Variants in STIM2 observed in about 807,000 individuals in gnomAD.
STIM2 encodes stromal interaction molecule 2.
Under a neutral mutation model 85.8 loss-of-function variants are expected in STIM2, and 31 were observed. That is an observed-to-expected ratio of 0.36 (90% CI 0.27 to 0.49). The LOEUF is 0.49. Among genes scored for constraint, STIM2 ranks in the 20% least tolerant of loss-of-function variants. The probability of loss-of-function intolerance (pLI) is 0.98; values close to 1 mark genes in which losing one functional copy is unlikely to be tolerated. For missense variants in STIM2, 841 were observed against 927.6 expected (o/e 0.91, Z 1.21); for synonymous variants, 356 against 331.1 (o/e 1.08, Z -0.82).
intron 10 of STIM2, among the ~76,000 whole-genome samples, chr4:27,011,209 G>A (rs941886274): frequency 8.5e-5 from 13 of 152,078 alleles, no homozygotes; most frequent in African/African-American, 2.9e-4. Context: ...ATGGTTGCGT[G>A]TTTAGAAGTG....
chr4:26,900,588 T>C (rs1723882805), intron 1 of STIM2, among the ~76,000 whole-genome samples: 1 of 152,170 alleles, frequency 6.6e-6, no homozygotes, highest in African/African-American at 2.4e-5. Flanking sequence ...AATTTTACTT[T>C]AAAAACTATT....
chr4:26,988,210 T>A (rs1174891204), intron 3 of STIM2, among the ~76,000 whole-genome samples: 1 of 152,212 alleles, frequency 6.6e-6, no homozygotes, highest in Admixed American at 6.5e-5. Flanking sequence ...TAAGAACTCA[T>A]CATCCAGAGG....
At chr4:26,873,400 T>TAA (rs1282772093) in intron 1 of STIM2, among the ~76,000 whole-genome samples, 2 of 140,450 alleles carry the variant, frequency 1.4e-5, no homozygotes, top group African/African-American at 2.6e-5. Flanking sequence ...ACTCCGTCTT[T>TAA]AAAAAAAAAA....
At chr4:26,878,720 G>A (rs1222043705) in intron 1 of STIM2, among the ~76,000 whole-genome samples, 1 of 152,082 alleles carries the variant, frequency 6.6e-6, no homozygotes, top group Non-Finnish European at 1.5e-5. Flanking sequence ...TGAACAAAAG[G>A]GGTTTAACTG....
intron 3 of STIM2, among the ~76,000 whole-genome samples, chr4:26,989,761 A>G (rs1470665949): frequency 6.6e-6 from 1 of 152,228 alleles, no homozygotes; most frequent in African/African-American, 2.4e-5. Flanking sequence ...TGAATTTAGT[A>G]AAGTTACAGG....
At chr4:26,929,579 A>G (rs1725124456) in intron 2 of STIM2, among the ~76,000 whole-genome samples, 1 of 152,088 alleles carries the variant, frequency 6.6e-6, no homozygotes, top group African/African-American at 2.4e-5. Flanking sequence ...TGCTTTTCTA[A>G]AAAAAATTCA....
intron 1 of STIM2, among the ~76,000 whole-genome samples, chr4:26,891,562 C>CAA (rs1209389286): frequency 2.9e-5 from 1 of 34,690 alleles, no homozygotes; most frequent in Non-Finnish European, 5.4e-5. Flanking sequence ...CATACATACA[C>CAA]ACACACACAC....
At chr4:26,861,540 T>A in intron 1 of STIM2, 171 bp downstream of exon 1, 1 of 1,049,510 alleles carries the variant, frequency 9.5e-7, no homozygotes, top group Non-Finnish European at 1.2e-6. Context: ...CGGACGTCTT[T>A]CCTTTTCACC....
rs1722165170 is a variant in STIM2 at position 26,861,184 on chromosome 4, G to A, written c.-35G>A. The A allele has an allele frequency of 1.4e-6, 2 of 1,431,836 alleles. No homozygotes were observed. Among genetic ancestry groups the A allele is most frequent in the African/African-American group, 1.5e-5 (1 of 68,180 alleles). 88.7% of individuals were successfully genotyped at this position (1,431,836 alleles called of 1,614,324 possible). ...CCCGCCTCGACTCCTGGCCCAGCGT[G>A]GGGCTGGCTGCTGCGGCGGCGGCGC... On this transcript the variant is annotated 5_prime_UTR_variant, in exon 1 of 12. It introduces an in-frame stop codon into an upstream open reading frame of the 5' UTR. Coordinates refer to ENST00000467087, the MANE Select transcript of STIM2 (RefSeq NM_020860.4).
At chr4:26,923,610 T>G (rs1301689542) in intron 2 of STIM2, among the ~76,000 whole-genome samples, 1 of 128,296 alleles carries the variant, frequency 7.8e-6, no homozygotes, top group Non-Finnish European at 1.6e-5. Context: ...AGGAAGAAAC[T>G]GCATCAACTA....
chr4:26,876,231 A>G (rs772420301), intron 1 of STIM2, among the ~76,000 whole-genome samples: 2 of 152,210 alleles, frequency 1.3e-5, no homozygotes, highest in Non-Finnish European at 2.9e-5. Flanking sequence ...CTTCAGTAAC[A>G]GGGTATTGGT....
chr4:26,870,411 A>G (rs1722572134), intron 1 of STIM2, among the ~76,000 whole-genome samples: 1 of 152,110 alleles, frequency 6.6e-6, no homozygotes, highest in South Asian at 2.1e-4. Flanking sequence ...CCTTAAATAT[A>G]TCTACTTTTT....
chr4:26,913,630 T>C (rs1395290711), intron 1 of STIM2, among the ~76,000 whole-genome samples: 2 of 152,218 alleles, frequency 1.3e-5, no homozygotes, highest in East Asian at 3.8e-4. Flanking sequence ...TGTTAATTTC[T>C]CCATCCTGCT....
chr4:26,998,405 C>G (rs1728033175), intron 4 of STIM2, among the ~76,000 whole-genome samples: 1 of 152,090 alleles, frequency 6.6e-6, no homozygotes, highest in African/African-American at 2.4e-5. Context: ...CCACTTGTGA[C>G]TTCAATGTAC....
At chr4:26,972,510 A>C (rs563500966) in intron 3 of STIM2, among the ~76,000 whole-genome samples, 1 of 152,044 alleles carries the variant, frequency 6.6e-6, no homozygotes, top group Admixed American at 6.5e-5. Flanking sequence ...TGTGGTTTTT[A>C]TCTTTGGTTC....
At chr4:26,920,564 A>G (rs993000979) in intron 2 of STIM2, among the ~76,000 whole-genome samples, 2 of 152,166 alleles carry the variant, frequency 1.3e-5, no homozygotes, top group Admixed American at 6.6e-5. Context: ...ATTATATTAT[A>G]GTAAATTACA....
chr4:26,968,206 T>C (rs1726805016), intron 3 of STIM2, among the ~76,000 whole-genome samples: 1 of 151,940 alleles, frequency 6.6e-6, no homozygotes, highest in Non-Finnish European at 1.5e-5. Flanking sequence ...AATTTAAATA[T>C]TGGTATGGGG....
At chr4:26,992,840 G>C (rs1204615822) in intron 3 of STIM2, among the ~76,000 whole-genome samples, 8 of 152,044 alleles carry the variant, frequency 5.3e-5, no homozygotes, top group Non-Finnish European at 8.8e-5. Context: ...AAGGAGAAGT[G>C]AATCTCCCCC....
At chr4:26,940,574 C>T (rs1163432375) in intron 2 of STIM2, among the ~76,000 whole-genome samples, 1 of 152,096 alleles carries the variant, frequency 6.6e-6, no homozygotes, top group Non-Finnish European at 1.5e-5. Context: ...CACTGTTTTA[C>T]CTACAACGGA....
Sources: allele counts gnomAD v4.1 joint callset (sites outside exome capture counted in the v4.1 genomes callset), GRCh38; gene constraint gnomAD v4.1.1; transcripts MANE v1.5; gene names NCBI Gene and HGNC (gene_info 2026-07-23, HGNC 2026-07-21).